The following GGACT variants were observed in gnomAD, a reference collection of about 807,000 sequenced individuals.
GGACT encodes the protein gamma-glutamylaminecyclotransferase.
For missense variants in GGACT, 241 were observed against 233.2 expected (o/e 1.03, Z -0.22); for synonymous variants, 118 against 115.3 (o/e 1.02, Z -0.15).
intron 2 of GGACT, among the ~76,000 whole-genome samples, chr13:100,562,704 G>A (rs1164474653): frequency 6.6e-6 from 1 of 151,618 alleles, no homozygotes; most frequent in Non-Finnish European, 1.5e-5. Flanking sequence ...GCTGAGGCAC[G>A]AGAATCACTT....
intron 2 of GGACT, among the ~76,000 whole-genome samples, chr13:100,546,998 C>T (rs2088612174): frequency 6.6e-6 from 1 of 152,228 alleles, no homozygotes; most frequent in Non-Finnish European, 1.5e-5. Flanking sequence ...CCCACTCAGC[C>T]CAGATTCCCA....
intron 2 of GGACT, among the ~76,000 whole-genome samples, chr13:100,556,172 GA>G (rs1475508650): frequency 6.6e-6 from 1 of 152,168 alleles, no homozygotes; most frequent in African/African-American, 2.4e-5. Context: ...ATACACTTCA[GA>G]AAGAAAGAAA....
chr13:100,532,521 G>T lies in GGACT; in HGVS notation c.71C>A (p.Ala24Asp), dbSNP rs148679908. The part of the protein sequence containing the change: ...QPNHRVLRDG[A>D]HGSAAFRARG... ...CGCCCGAAAGGCTGCGGAGCCGTGG[G>T]CGCCGTCCCGCAGGACCCTGTGGTT... The change falls in exon 3 of 3, where the codon GCC becomes GAC. Residue 24 changes from alanine (A) to aspartate (D), a missense_variant. Transcript: ENST00000683975. 2,461 of 1,548,296 alleles carry T rather than the reference G, an allele frequency of 1.6e-3. 53 individuals are homozygous for T. The East Asian group carries it at 0.048, about 30-fold the overall frequency.
chr13:100,551,340 T>C (rs1041333647), intron 2 of GGACT, among the ~76,000 whole-genome samples: 2 of 151,730 alleles, frequency 1.3e-5, no homozygotes, highest in African/African-American at 4.8e-5. Flanking sequence ...AAACCAAGGA[T>C]GTTCTCCTCT....
At position 100,530,480 on chromosome 13, in the gene GGACT, C is replaced by T. The variant is rs1209037785; in HGVS notation, c.*1650G>A. The T allele has an allele frequency of 4.4e-5, 20 of 454,182 alleles. No individual in the cohort carries two copies. In the East Asian group the frequency reaches 5.8e-4, roughly 13 times the overall value. 28.1% of individuals were successfully genotyped at this position (454,182 alleles called of 1,614,324 possible). A position where few individuals can be genotyped will look rare whatever the true frequency, so the allele number is the denominator to read the frequency against. ...TGAATGAAGACAATGTACACATAGG[C>T]GACAGGCTCTGCCAGTAGACTACCA... On this transcript the variant is annotated 3_prime_UTR_variant, in exon 3 of 3. Coordinates refer to ENST00000683975, the MANE Select transcript of GGACT (RefSeq NM_001195087.2).
chr13:100,556,494 G>A (rs1167781494), intron 2 of GGACT, among the ~76,000 whole-genome samples: 8 of 151,902 alleles, frequency 5.3e-5, no homozygotes, highest in African/African-American at 1.9e-4. Flanking sequence ...TAAATGGAGA[G>A]ATATACCATG....
intron 2 of GGACT, among the ~76,000 whole-genome samples, chr13:100,572,866 TACTC>T (rs1407460366): frequency 6.6e-6 from 1 of 152,212 alleles, no homozygotes; most frequent in African/African-American, 2.4e-5. Flanking sequence ...CTTCAGGGTG[TACTC>T]TAGAACTTGC....
At chr13:100,573,301 C>T (rs113919356) in intron 2 of GGACT, among the ~76,000 whole-genome samples, 237 of 152,228 alleles carry the variant, frequency 1.6e-3, no homozygotes, top group African/African-American at 5.4e-3. Context: ...CTTCCATTAC[C>T]CCTTCCCCCA....
At chr13:100,552,052 T>A (rs928812699) in intron 2 of GGACT, among the ~76,000 whole-genome samples, 1 of 152,196 alleles carries the variant, frequency 6.6e-6, no homozygotes, top group African/African-American at 2.4e-5. Flanking sequence ...TTGACCCTTC[T>A]CCCAGCCATG....
rs2088594576 is a variant in GGACT, at chr13:100,545,264, A to G, written c.-10-12663T>C. Among the ~76,000 whole-genome samples the G allele has an allele frequency of 6.6e-6, 1 of 152,226 alleles. No homozygotes were observed. Among genetic ancestry groups the G allele is most frequent in the African/African-American group, 2.4e-5 (1 of 41,462 alleles). On this transcript the variant is annotated intron_variant, in intron 2 of 2. Transcript: ENST00000683975. The surrounding 1 kb of genome is among the most constrained non-coding windows in gnomAD (Gnocchi z 4.4). ...ACTTACATTCTTCACCTGGTGCTCCAAACCACATGGTGAGGCCGCTTCACT... is the reference window on the plus strand; with the variant it reads ...ACTTACATTCTTCACCTGGTGCTCCGAACCACATGGTGAGGCCGCTTCACT...
At chr13:100,581,793 T>C (rs1875427149) in intron 2 of GGACT, among the ~76,000 whole-genome samples, 1 of 152,218 alleles carries the variant, frequency 6.6e-6, no homozygotes, top group Non-Finnish European at 1.5e-5. Context: ...AGAAGTCATG[T>C]AGACAGTATG....
chr13:100,555,818 G>A (rs966486133), intron 2 of GGACT, among the ~76,000 whole-genome samples: 7 of 152,164 alleles, frequency 4.6e-5, no homozygotes, highest in Non-Finnish European at 8.8e-5. Context: ...GGAATGCAAC[G>A]TAGTTTAATA....
intron 2 of GGACT, among the ~76,000 whole-genome samples, chr13:100,571,437 G>A (rs1875079003): frequency 6.6e-6 from 1 of 152,238 alleles, no homozygotes; most frequent in African/African-American, 2.4e-5. Context: ...CTGTGCAGCA[G>A]AAGAAAGTGT....
At chr13:100,585,079 A>G (rs1273762121) in intron 1 of GGACT, among the ~76,000 whole-genome samples, 1 of 152,236 alleles carries the variant, frequency 6.6e-6, no homozygotes, top group Non-Finnish European at 1.5e-5. Flanking sequence ...CTTCTAGTTT[A>G]CAGGAAATAT....
At position 100,539,718 on chromosome 13, in the gene GGACT, T is replaced by C. The variant is rs2088531992; in HGVS notation, c.-10-7117A>G. 150 of 606,728 alleles carry C rather than the reference T, an allele frequency of 2.5e-4. 1 individual carries two copies. In the South Asian group the frequency reaches 3.1e-3, roughly 12 times the overall value. 37.6% of individuals were successfully genotyped at this position (606,728 alleles called of 1,614,324 possible). ...CAGGGTGATGCTCAACACTGAAATG[T>C]TCCTTCTTCTTCATTCTTTAGAAGA... On this transcript the variant is annotated intron_variant, in intron 2 of 2. Transcript: ENST00000683975.
chr13:100,554,685 G>A (rs2088696418), intron 2 of GGACT, among the ~76,000 whole-genome samples: 1 of 152,086 alleles, frequency 6.6e-6, no homozygotes, highest in South Asian at 2.1e-4. Flanking sequence ...TATCACGTCT[G>A]GAACATACTT....
intron 2 of GGACT, among the ~76,000 whole-genome samples, chr13:100,561,233 G>A (rs376304600): frequency 1.3e-5 from 2 of 152,094 alleles, no homozygotes; most frequent in East Asian, 1.9e-4. Flanking sequence ...ATTTCATTTT[G>A]GTTATCATTT....
chr13:100,585,581 A>G (rs1056054902), intron 1 of GGACT, among the ~76,000 whole-genome samples: 12 of 152,082 alleles, frequency 7.9e-5, no homozygotes, highest in Admixed American at 6.6e-4. Flanking sequence ...CAGTGTGGCC[A>G]ACATGGTGAA....
At chr13:100,562,783 G>A (rs571946860) in intron 2 of GGACT, among the ~76,000 whole-genome samples, 8 of 142,876 alleles carry the variant, frequency 5.6e-5, no homozygotes, top group East Asian at 2.0e-4. Flanking sequence ...GCAACACAGC[G>A]AGACAATGTC....
Sources: gnomAD v4.1 joint callset for allele counts (sites outside exome capture counted in the v4.1 genomes callset) on GRCh38, gnomAD v4.1.1 for gene constraint, Gnocchi (gnomAD v3.1) non-coding constraint, MANE v1.5 for transcripts, NCBI Gene and HGNC (gene_info 2026-07-23, HGNC 2026-07-21) for gene names.